MIER3: variants seen among roughly 807,000 people sequenced by gnomAD.
The protein encoded by MIER3 is MIER family member 3.
A neutral mutation model predicts 63.2 loss-of-function variants in MIER3; 9 were observed. That is an observed-to-expected ratio of 0.14 (90% confidence interval 0.09 to 0.25). The LOEUF is 0.25. MIER3 is among the 10% of genes least tolerant of loss of function. The probability of loss-of-function intolerance (pLI) is 1.00; values close to 1 mark genes in which losing one functional copy is unlikely to be tolerated. For synonymous variants in MIER3, 205 were observed against 224.9 expected, an observed-to-expected ratio of 0.91 and a Z score of 0.79; for missense variants, 512 against 666.2, an observed-to-expected ratio of 0.77 and a Z score of 2.55.
At chr5:56,938,004 T>C (rs1750511986) in intron 4 of MIER3, among the ~76,000 whole-genome samples, 1 of 152,124 alleles carries the variant, frequency 6.6e-6, no homozygotes. Context: ...AAAAACAGTC[T>C]GACTTTTAAG....
At position 56,922,573 on chromosome 5, in the gene MIER3, T is replaced by C. The variant is rs1749722609; in HGVS notation, c.*555A>G. ...GAAGTTTCCATTTTTAAAAAATCCT[T>C]GCATGTTTGTGCAGTTTAAAGAAAC... On this transcript the variant is annotated 3_prime_UTR_variant, in exon 13 of 13. Transcript: ENST00000381199. 6.5e-6 allele frequency: 1 copy of C among 153,408 alleles called. No individual in the cohort carries two copies. Among genetic ancestry groups the C allele is most frequent in the Non-Finnish European group, 1.5e-5 (1 of 68,596 alleles). 9.5% of individuals were successfully genotyped at this position (153,408 alleles called of 1,614,324 possible). A position where few individuals can be genotyped will look rare whatever the true frequency, so the allele number is the denominator to read the frequency against.
rs920777170 is a variant in MIER3, at chr5:56,923,502, G to C, written c.1279C>G (p.Pro427Ala). 6.2e-7 allele frequency: 1 copy of C among 1,614,186 alleles called. No homozygotes were observed. The highest frequency in any genetic ancestry group is 8.5e-7 in the Non-Finnish European group (1 of 1,180,032). Residue 427 changes from proline to alanine, a missense_variant, in exon 13 of 13, where the codon CCC becomes GCC. Pro to Ala is a conservative substitution (Grantham distance 27). This residue lies in a region of MIER3 where 218 missense variants were observed against 251.2 expected (regional missense o/e 0.87). Transcript: ENST00000381199. ...GGCACATGATTAACTTGTCCACGGG[G>C]TGTGTTGCCCAGTGGAGGAAAGCTA... ...DDSFPPLGNT[P>A]RGQVNHVPVV...
intron 3 of MIER3, among the ~76,000 whole-genome samples, chr5:56,939,504 T>G (rs947416266): frequency 6.6e-5 from 10 of 152,232 alleles, no homozygotes; most frequent in African/African-American, 1.9e-4. Flanking sequence ...AAAGAACAAT[T>G]ATCCTTTTAT....
At chr5:56,925,419 G>T in intron 10 of MIER3, 1 of 432,714 alleles carries the variant, frequency 2.3e-6, no homozygotes, top group Non-Finnish European at 4.6e-6. Context: ...AGTTTCAGGA[G>T]ACAAGGTTAA....
intron 3 of MIER3, 110 bp downstream of exon 3, chr5:56,946,816 G>GAAA: frequency 1.3e-6 from 1 of 775,914 alleles, no homozygotes; most frequent in East Asian, 3.5e-5. Context: ...AAATAAGAGT[G>GAAA]AAAAAAAAAA....
chr5:56,948,997 G>A (rs1750923843), intron 2 of MIER3, among the ~76,000 whole-genome samples: 1 of 152,174 alleles, frequency 6.6e-6, no homozygotes, highest in South Asian at 2.1e-4. Flanking sequence ...AACTTTCTAG[G>A]TCTAGCTCCT....
At chr5:56,930,160 A>G (rs1750209043) in intron 9 of MIER3, among the ~76,000 whole-genome samples, 1 of 152,170 alleles carries the variant, frequency 6.6e-6, no homozygotes, top group African/African-American at 2.4e-5. Flanking sequence ...TAATGACAAA[A>G]AATACTGAAA....
At chr5:56,936,753 A>G (rs1327732211) in intron 5 of MIER3, 3 of 152,074 alleles carry the variant, frequency 2.0e-5, no homozygotes, top group Non-Finnish European at 4.4e-5. Context: ...CTCCTGGCCT[A>G]AAGTGATCCT....
intron 4 of MIER3, 67 bp from the exon 5 acceptor site, chr5:56,937,765 T>A: frequency 2.2e-6 from 3 of 1,388,104 alleles, no homozygotes; most frequent in East Asian, 2.6e-5. Context: ...GAAAACTATC[T>A]TTTTATAACA....
chr5:56,942,338 T>C (rs1384757538), intron 3 of MIER3, among the ~76,000 whole-genome samples: 4 of 152,236 alleles, frequency 2.6e-5, no homozygotes, highest in Non-Finnish European at 2.9e-5. Context: ...GAAATAATGT[T>C]GTAAGGGAAG....
intron 4 of MIER3, among the ~76,000 whole-genome samples, chr5:56,938,083 C>G (rs1750514719): frequency 6.6e-6 from 1 of 152,088 alleles, no homozygotes; most frequent in African/African-American, 2.4e-5. Context: ...TCCACTCTTC[C>G]AATAATTTAA....
rs141389949 is a variant in MIER3, at chr5:56,951,075, G to A, written c.10-423C>T. Among the ~76,000 whole-genome samples, 263 of 152,190 alleles carry A rather than the reference G, an allele frequency of 1.7e-3. 1 individual carries two copies. The highest frequency in any genetic ancestry group is 5.9e-3 in the African/African-American group (247 of 41,528). On this transcript the variant is annotated intron_variant, in intron 1 of 12. Coordinates refer to ENST00000381199, the MANE Select transcript of MIER3 (RefSeq NM_001297599.2). Reference sequence around the variant, plus strand: ...ACACCCTTTTCTGGAACGAACTCGCGTTCTGAGCACCTAGTTCGCCCCTGG... The same window carrying A: ...ACACCCTTTTCTGGAACGAACTCGCATTCTGAGCACCTAGTTCGCCCCTGG...
rs1444010047 is a variant in MIER3 at position 56,946,911 on chromosome 5, A to C, written c.180+15T>G. ...AAATCTTTGTTAAGTTTGTATATTA[A>C]AGTAAATCTTATACCTTTTCTAAGT... On this transcript the variant is annotated intron_variant, in intron 3 of 12. Coordinates refer to ENST00000381199, the MANE Select transcript of MIER3 (RefSeq NM_001297599.2). 6.7e-7 allele frequency: 1 copy of C among 1,503,450 alleles called. No individual in the cohort carries two copies. Among genetic ancestry groups the C allele is most frequent in the East Asian group, 2.5e-5 (1 of 40,684 alleles). The allele number at this position is 1,503,450 out of a possible 1,614,324, so 93.1% of individuals were successfully genotyped here.
intron 5 of MIER3, among the ~76,000 whole-genome samples, chr5:56,937,225 G>A (rs1750478123): frequency 1.3e-5 from 2 of 152,020 alleles, no homozygotes; most frequent in Non-Finnish European, 2.9e-5. Flanking sequence ...ACAAGTGCAT[G>A]CCACCACACC....
In MIER3 at chr5:56,946,546, C is replaced by A. The variant is rs187976333; in HGVS notation, c.180+380G>T. On this transcript the variant is annotated intron_variant, in intron 3 of 12. Transcript: ENST00000381199. ...ATTATGAGTTATTTGAAGGAAAAGG[C>A]TTCTCTCTGTATCTACTACAGTACT... Among the ~76,000 whole-genome samples, 55 of 152,190 alleles carry A rather than the reference C, an allele frequency of 3.6e-4. No homozygotes were observed. The Middle Eastern group carries it at 0.01, about 28-fold the overall frequency.
Position 56,921,569 on chromosome 5 carries a change from A to G in MIER3, c.*1559T>C, listed in dbSNP as rs941986837. 1.3e-5 allele frequency: 2 copies of G among 152,616 alleles called. No individual in the cohort carries two copies. Among genetic ancestry groups the G allele is most frequent in the Non-Finnish European group, 2.9e-5 (2 of 68,014 alleles). 9.5% of individuals were successfully genotyped at this position (152,616 alleles called of 1,614,324 possible). The stretch of plus-strand genomic sequence containing the variant: ...ATGCTGCAAAGAAAAACAAGAATAC[A>G]CATCATCCAAAACTAAGGATGTCAT... On this transcript the variant is annotated 3_prime_UTR_variant, in exon 13 of 13. Coordinates refer to ENST00000381199, the MANE Select transcript of MIER3 (RefSeq NM_001297599.2).
At chr5:56,933,027 G>A (rs1387248878) in intron 8 of MIER3, among the ~76,000 whole-genome samples, 2 of 152,170 alleles carry the variant, frequency 1.3e-5, no homozygotes, top group Admixed American at 6.5e-5. Flanking sequence ...GAAGACATAT[G>A]TAAAGGTATT....
intron 3 of MIER3, among the ~76,000 whole-genome samples, chr5:56,943,495 A>C (rs141706495): frequency 4.6e-5 from 7 of 152,282 alleles, no homozygotes; most frequent in African/African-American, 1.7e-4. Flanking sequence ...CACTCAAGAA[A>C]ACCCCGCTTT....
intron 7 of MIER3, among the ~76,000 whole-genome samples, chr5:56,934,774 G>T (rs1750383323): frequency 6.6e-6 from 1 of 152,152 alleles, no homozygotes; most frequent in African/African-American, 2.4e-5. Context: ...TTTTGCCCTT[G>T]TGACTTCACA....
Sources: allele counts gnomAD v4.1 joint callset (sites outside exome capture counted in the v4.1 genomes callset), GRCh38; gene constraint gnomAD v4.1.1; regional missense constraint gnomAD v4.1.1; transcripts MANE v1.5; gene names NCBI Gene and HGNC (gene_info 2026-07-23, HGNC 2026-07-21).